Variants in ZNF226 observed in about 807,000 individuals in gnomAD.
The protein encoded by ZNF226 is Kruppel-associated box protein.
A neutral mutation model predicts 11.4 loss-of-function variants in ZNF226; 6 were observed. That is an observed-to-expected ratio of 0.53 (90% confidence interval 0.29 to 1.04). The LOEUF is 1.04. Ranked by LOEUF, ZNF226 falls within the 50% of genes least tolerant of loss-of-function variation. The pLI is 0.08. For synonymous variants in ZNF226, 350 were observed against 322.8 expected (o/e 1.08, Z -0.90); for missense variants, 1,058 against 956.5 (o/e 1.11, Z -1.40).
Position 44,172,870 on chromosome 19 carries a change from C to T in ZNF226, c.153C>T (p.Pro51=), listed in dbSNP as rs753712232. ...TTGGCATTTTCACAGGGCATCCACC[C>T]TTCAAACAAGATGTATCACCTATAG... ...FRNLLSVGHP[P]FKQDVSPIER... Residue 51 remains proline (P), a synonymous_variant, in exon 5 of 6, where the codon CCC becomes CCT. Coordinates refer to ENST00000337433, the MANE Select transcript of ZNF226 (RefSeq NM_001032373.2). The T allele has an allele frequency of 1.9e-6, 3 of 1,601,226 alleles. No homozygotes were observed. Among genetic ancestry groups the T allele is most frequent in the Non-Finnish European group, 2.6e-6 (3 of 1,173,820 alleles).
intron 2 of ZNF226, chr19:44,167,004 C>G (rs1969459083): frequency 6.6e-6 from 1 of 152,190 alleles, no homozygotes; most frequent in Non-Finnish European, 1.5e-5. Context: ...TACTAGAACC[C>G]TACTCAGTCC....
chr19:44,189,468 T>C, the ZNF226 span, among the ~76,000 whole-genome samples: 3 of 152,192 alleles, frequency 2.0e-5, no homozygotes, highest in Non-Finnish European at 4.4e-5. Flanking sequence ...GACACTACCT[T>C]ATTTAACCAG....
downstream of ZNF226, among the ~76,000 whole-genome samples, chr19:44,178,977 C>T (rs191939904): frequency 7.9e-5 from 12 of 152,074 alleles, no homozygotes; most frequent in Admixed American, 2.0e-4. Context: ...GTCAGGAGTT[C>T]GAGACCAACC....
rs1178549636 is a variant in ZNF226 at position 44,177,516 on chromosome 19, G to A, written c.2254G>A (p.Glu752Lys). Residue 752 changes from glutamate to lysine, a missense_variant, in exon 6 of 6, where the codon GAG becomes AAG. Glu to Lys is a moderately conservative substitution (Grantham distance 56, BLOSUM62 1). Transcript: ENST00000337433. ...GTCTCATCAGCGAGTTCACACTGGG[G>A]AGAAACCTTATAAATGTGAGATATG... is the stretch of plus-strand genomic sequence containing the variant. ...LQSHQRVHTG[E>K]KPYKCEICGK... The A allele has an allele frequency of 6.2e-7, 1 of 1,614,168 alleles. No individual in the cohort carries two copies. Among genetic ancestry groups the A allele is most frequent in the Non-Finnish European group, 8.5e-7 (1 of 1,180,018 alleles).
chr19:44,184,864 G>T, the ZNF226 span, among the ~76,000 whole-genome samples: 3 of 152,140 alleles, frequency 2.0e-5, no homozygotes, highest in African/African-American at 7.2e-5. Context: ...TTATGCAACA[G>T]ATCTATAGAA....
Position 44,176,159 on chromosome 19 carries a change from G to C in ZNF226, c.897G>C (p.Gln299His). 1 of 1,614,150 alleles carries C rather than the reference G, an allele frequency of 6.2e-7. No homozygotes were observed. Among genetic ancestry groups the C allele is most frequent in the South Asian group, 1.1e-5 (1 of 91,080 alleles). The change falls in exon 6 of 6, where the codon CAG becomes CAC. Residue 299 changes from glutamine to histidine, a missense_variant. Transcript: ENST00000337433. ...ACAGCCCAGTTCTTCCTGTTCATCAGAAAGTACATGTGGGAGAAAAACTTA... is the reference window on the plus strand; with the variant it reads ...ACAGCCCAGTTCTTCCTGTTCATCACAAAGTACATGTGGGAGAAAAACTTA... ...FCYSPVLPVH[Q>H]KVHVGEKLKC...
chr19:44,180,603 T>G (rs959685028), downstream of ZNF226, among the ~76,000 whole-genome samples: 3 of 152,194 alleles, frequency 2.0e-5, no homozygotes, highest in Non-Finnish European at 2.9e-5. Context: ...AAAGGTTTAT[T>G]AGAATATAGC....
intron 2 of ZNF226, among the ~76,000 whole-genome samples, chr19:44,168,732 C>T (rs1969696673): frequency 6.6e-6 from 1 of 152,150 alleles, no homozygotes. Flanking sequence ...GGGTTTGTCC[C>T]ACTAGTGGTC....
At chr19:44,168,247 G>GTT (rs71171212) in intron 2 of ZNF226, among the ~76,000 whole-genome samples, 1 of 146,782 alleles carries the variant, frequency 6.8e-6, no homozygotes, top group African/African-American at 2.5e-5. Context: ...TTTTTGTTTT[G>GTT]TTTTTTTTTT....
At chr19:44,173,292 A>T in intron 5 of ZNF226, 1 of 370,376 alleles carries the variant, frequency 2.7e-6, no homozygotes, top group Non-Finnish European at 4.8e-6. Flanking sequence ...TATCTTCTAT[A>T]CTCTCTTTCT....
At chr19:44,192,469 C>T in the ZNF226 span, among the ~76,000 whole-genome samples, 1 of 151,914 alleles carries the variant, frequency 6.6e-6, no homozygotes, top group African/African-American at 2.4e-5. Flanking sequence ...AAAAAGCTTC[C>T]AAAAACAAAT....
chr19:44,192,033 G>A, the ZNF226 span, among the ~76,000 whole-genome samples: 14,985 of 152,150 alleles, frequency 0.098, 1,769 homozygotes, highest in African/African-American at 0.26. Context: ...CCAAGGTTAT[G>A]AGTGTACCAT....
rs372210179 is a variant in ZNF226 at position 44,172,041 on chromosome 19, C to A, written c.16-47C>A. 8.1e-6 allele frequency: 13 copies of A among 1,596,720 alleles called. No individual in the cohort carries two copies. The African/African-American group carries it at 1.6e-4, about 20-fold the overall frequency. ...ACCTGTTCTCAGTGTTACCCATCTT[C>A]TAGTGGACATTGGTTGTAAGATTGA... On this transcript the variant is annotated intron_variant, in intron 3 of 5. Transcript: ENST00000337433.
chr19:44,180,086 CAAAAAAA>C (rs60173546), downstream of ZNF226, among the ~76,000 whole-genome samples: 45 of 54,746 alleles, frequency 8.2e-4, no homozygotes, highest in African/African-American at 1.5e-3. Context: ...GACTCTGTCT[CAAAAAAA>C]AAAAAAAAAA....
the ZNF226 span, among the ~76,000 whole-genome samples, chr19:44,189,489 A>C: frequency 6.6e-6 from 1 of 152,238 alleles, no homozygotes; most frequent in Non-Finnish European, 1.5e-5. Context: ...TAGATAATAT[A>C]GAAAAATTTT....
the ZNF226 span, among the ~76,000 whole-genome samples, chr19:44,185,227 C>A: frequency 1.3e-5 from 2 of 152,158 alleles, no homozygotes; most frequent in Non-Finnish European, 2.9e-5. Context: ...AATATCTATT[C>A]CTTTGAGATC....
At chr19:44,170,875 T>C (rs967333559) in intron 3 of ZNF226, among the ~76,000 whole-genome samples, 5 of 148,772 alleles carry the variant, frequency 3.4e-5, no homozygotes, top group Non-Finnish European at 7.4e-5. Flanking sequence ...ATCGTGCCAC[T>C]ACTCCAGCCT....
chr19:44,181,275 A>G (rs1377717885), downstream of ZNF226, among the ~76,000 whole-genome samples: 1 of 152,136 alleles, frequency 6.6e-6, no homozygotes, highest in African/African-American at 2.4e-5. Context: ...CCAGGTACTC[A>G]GGAAGCTGAG....
intron 2 of ZNF226, among the ~76,000 whole-genome samples, chr19:44,166,114 C>T (rs1022897814): frequency 3.3e-5 from 5 of 152,190 alleles, no homozygotes; most frequent in African/African-American, 9.7e-5. Flanking sequence ...GTATGTTCTG[C>T]ATGAGCCATA....
Sources: gnomAD v4.1 joint callset for allele counts (sites outside exome capture counted in the v4.1 genomes callset) on GRCh38, gnomAD v4.1.1 for gene constraint, MANE v1.5 for transcripts, NCBI Gene and HGNC (gene_info 2026-07-23, HGNC 2026-07-21) for gene names.